Variants in MYRIP observed in about 807,000 individuals in gnomAD.
MYRIP encodes rab effector MyRIP.
MYRIP carries 49 observed loss-of-function variants against 98.0 expected under a neutral mutation model. That is an observed-to-expected ratio of 0.50 (90% CI 0.40 to 0.63). The LOEUF (loss-of-function observed/expected upper bound fraction) is 0.63, where lower values mean the gene tolerates loss of function less well. Ranked by LOEUF, MYRIP falls within the 30% of genes least tolerant of loss-of-function variation. The probability of loss-of-function intolerance (pLI) is 0.00; values close to 1 mark genes in which losing one functional copy is unlikely to be tolerated. For synonymous variants in MYRIP, 404 were observed against 409.5 expected (o/e 0.99, Z 0.16); for missense variants, 1,004 against 1,058.2 (o/e 0.95, Z 0.71).
chr3:39,855,433 G>T (rs553629043), intron 1 of MYRIP, among the ~76,000 whole-genome samples: 12 of 152,162 alleles, frequency 7.9e-5, no homozygotes, highest in Non-Finnish European at 1.8e-4. Flanking sequence ...TACCAGAGCA[G>T]GTAGGGAAAT....
chr3:40,227,390 C>G (rs965219440), intron 11 of MYRIP, among the ~76,000 whole-genome samples: 5 of 150,770 alleles, frequency 3.3e-5, no homozygotes, highest in African/African-American at 1.2e-4. Flanking sequence ...GAAATGTACT[C>G]TCTCTCTCTC....
intron 11 of MYRIP, among the ~76,000 whole-genome samples, chr3:40,218,650 A>AT (rs1952229625): frequency 7.1e-6 from 1 of 140,262 alleles, no homozygotes; most frequent in African/African-American, 2.7e-5. Context: ...ATATATATAT[A>AT]TATATACATA....
intron 2 of MYRIP, among the ~76,000 whole-genome samples, chr3:39,933,391 A>G (rs1345765876): frequency 6.6e-6 from 1 of 152,240 alleles, no homozygotes; most frequent in African/African-American, 2.4e-5. Flanking sequence ...TTAGAATCAC[A>G]AAATCACTCA....
intron 1 of MYRIP, among the ~76,000 whole-genome samples, chr3:39,821,646 G>A (rs934563131): frequency 7.9e-5 from 12 of 151,604 alleles, no homozygotes; most frequent in African/African-American, 1.5e-4. Context: ...CACAAGTTTC[G>A]ATATATAATG....
chr3:40,222,520 ATTTTG>A (rs1354153849), intron 11 of MYRIP, among the ~76,000 whole-genome samples: 3 of 152,018 alleles, frequency 2.0e-5, no homozygotes, highest in African/African-American at 7.3e-5. Context: ...AGGTGAGGAG[ATTTTG>A]TTTTATGTTC....
intron 2 of MYRIP, among the ~76,000 whole-genome samples, chr3:39,934,337 A>G (rs1300894178): frequency 6.6e-6 from 1 of 151,942 alleles, no homozygotes; most frequent in Non-Finnish European, 1.5e-5. Flanking sequence ...TTTCATGTCT[A>G]CTCTCAGGAC....
chr3:40,046,989 A>G (rs898198688), intron 3 of MYRIP, among the ~76,000 whole-genome samples: 2 of 152,214 alleles, frequency 1.3e-5, no homozygotes, highest in African/African-American at 4.8e-5. Context: ...GTATGCAGGC[A>G]TCTATTATTA....
Position 40,254,111 on chromosome 3 carries a change from T to C in MYRIP, c.2547+2112T>C, listed in dbSNP as rs566137277. Among the ~76,000 whole-genome samples, 3 of 152,362 alleles carry C rather than the reference T, an allele frequency of 2.0e-5. No homozygotes were observed. In the South Asian group the frequency reaches 6.2e-4, roughly 32 times the overall value. ...ATTATACAGAAAGGACTGTTGGCTC[T>C]TTTGCTTAAAAACTGTCAATCGAGA... On this transcript the variant is annotated intron_variant, in intron 16 of 16. Transcript: ENST00000302541.
intron 3 of MYRIP, among the ~76,000 whole-genome samples, chr3:40,141,958 A>C (rs1949905007): frequency 6.6e-6 from 1 of 151,262 alleles, no homozygotes; most frequent in African/African-American, 2.4e-5. Flanking sequence ...AAATCTTAGG[A>C]ATTTCTTTCT....
Position 40,082,583 on chromosome 3 carries a change from G to A in MYRIP, c.332+38312G>A, listed in dbSNP as rs9840544. ...ATCTCTCTAGCATTTAGTGTTCTGT[G>A]TGCTTTTCCTGTGATCATTAGGCAT... is the stretch of plus-strand genomic sequence containing the variant. On this transcript the variant is annotated intron_variant, in intron 3 of 16. Coordinates refer to ENST00000302541, the MANE Select transcript of MYRIP (RefSeq NM_015460.4). 6.8e-3 allele frequency among the ~76,000 whole-genome samples: 1,039 copies of A among 152,266 alleles called. 16 individuals carry two copies. The highest frequency in any genetic ancestry group is 0.024 in the African/African-American group (989 of 41,544).
chr3:39,955,855 A>G (rs1348954409), intron 2 of MYRIP, among the ~76,000 whole-genome samples: 2 of 149,094 alleles, frequency 1.3e-5, no homozygotes, highest in African/African-American at 5.2e-5. Flanking sequence ...AATGGAAAAC[A>G]AAAAAAAGCA....
chr3:39,838,087 G>A (rs994246928), intron 1 of MYRIP, among the ~76,000 whole-genome samples: 1 of 151,912 alleles, frequency 6.6e-6, no homozygotes, highest in Non-Finnish European at 1.5e-5. Flanking sequence ...TGCTGAAGTT[G>A]CCAGCTTAAG....
intron 13 of MYRIP, among the ~76,000 whole-genome samples, chr3:40,247,759 A>G (rs553058093): frequency 3.3e-5 from 5 of 152,356 alleles, no homozygotes; most frequent in African/African-American, 1.2e-4. Context: ...CCTGACCTCA[A>G]GTAATCCACC....
intron 9 of MYRIP, among the ~76,000 whole-genome samples, chr3:40,184,757 G>T (rs1042310022): frequency 1.3e-5 from 2 of 152,134 alleles, no homozygotes; most frequent in Admixed American, 1.3e-4. Context: ...TTCAAAACAT[G>T]ATTTTGTACA....
At chr3:39,866,467 A>T (rs1470627569) in intron 1 of MYRIP, among the ~76,000 whole-genome samples, 1 of 152,154 alleles carries the variant, frequency 6.6e-6, no homozygotes, top group Non-Finnish European at 1.5e-5. Context: ...TCACATCAAA[A>T]ATAATAAAAA....
intron 2 of MYRIP, among the ~76,000 whole-genome samples, chr3:39,976,844 A>T (rs1464357596): frequency 1.3e-5 from 2 of 152,140 alleles, no homozygotes; most frequent in African/African-American, 4.8e-5. Context: ...GAAATTGAAC[A>T]ATGAGAACAC....
intron 12 of MYRIP, among the ~76,000 whole-genome samples, chr3:40,234,566 G>C (rs949343575): frequency 6.6e-6 from 1 of 152,200 alleles, no homozygotes; most frequent in Non-Finnish European, 1.5e-5. Flanking sequence ...AGGGAGAGGA[G>C]TATAGAGAAA....
intron 2 of MYRIP, among the ~76,000 whole-genome samples, chr3:39,949,663 C>T (rs572144340): frequency 1.3e-5 from 2 of 152,198 alleles, no homozygotes; most frequent in African/African-American, 2.4e-5. Context: ...CAGAATCCAC[C>T]TCCTTTTCAC....
In MYRIP at chr3:39,889,651, C is replaced by T. The variant is rs569897683; in HGVS notation, c.-30-11136C>T. ...ATATGTAACTAACCTGCGCATTGTG[C>T]ACATGTACCCTAAAACTTAAAGTAT... is the stretch of plus-strand genomic sequence containing the variant. On this transcript the variant is annotated intron_variant, in intron 1 of 16. Transcript: ENST00000302541. Among the ~76,000 whole-genome samples the T allele has an allele frequency of 1.4e-4, 22 of 152,214 alleles. No homozygotes were observed. The South Asian group carries it at 3.9e-3, about 27-fold the overall frequency.
Sources: allele counts gnomAD v4.1 joint callset (sites outside exome capture counted in the v4.1 genomes callset), GRCh38; gene constraint gnomAD v4.1.1; transcripts MANE v1.5; gene names NCBI Gene and HGNC (gene_info 2026-07-23, HGNC 2026-07-21).